PPM1L: variants seen among roughly 807,000 people sequenced by gnomAD.
The protein encoded by PPM1L is protein phosphatase 1L.
In PPM1L, 13 loss-of-function variants were observed where a neutral mutation model predicts 31.4. The ratio of observed to expected loss-of-function variants is 0.41; its 90% CI spans 0.27 to 0.66. The LOEUF (loss-of-function observed/expected upper bound fraction) is 0.66, where lower values mean the gene tolerates loss of function less well. Among genes scored for constraint, PPM1L ranks in the 30% least tolerant of loss-of-function variants. The pLI is 0.29. For synonymous variants in PPM1L, 184 were observed against 175.4 expected, an observed-to-expected ratio of 1.05 and a Z score of -0.39; for missense variants, 326 against 453.7, an observed-to-expected ratio of 0.72 and a Z score of 2.56.
intron 2 of PPM1L, among the ~76,000 whole-genome samples, chr3:160,995,774 G>A (rs1474125912): frequency 6.6e-6 from 1 of 152,226 alleles, no homozygotes; most frequent in Non-Finnish European, 1.5e-5. Context: ...GGAACAAGGA[G>A]AAAGGAAAGC....
intron 2 of PPM1L, among the ~76,000 whole-genome samples, chr3:161,024,084 G>A (rs563737804): frequency 1.2e-4 from 18 of 151,424 alleles, no homozygotes; most frequent in Non-Finnish European, 1.9e-4. Flanking sequence ...CGAGGCTAGC[G>A]TGGCCAACAT....
chr3:160,968,020 C>T (rs1296583722), intron 2 of PPM1L, among the ~76,000 whole-genome samples: 1 of 152,020 alleles, frequency 6.6e-6, no homozygotes, highest in Non-Finnish European at 1.5e-5. Context: ...TTTCTCCTTA[C>T]ACAGCCACAT....
chr3:160,785,137 C>A (rs1009111096), intron 1 of PPM1L, among the ~76,000 whole-genome samples: 1 of 152,142 alleles, frequency 6.6e-6, no homozygotes, highest in African/African-American at 2.4e-5. Flanking sequence ...TGTTTGCTTA[C>A]TCTGCTAGCC....
At chr3:160,850,934 C>G (rs930643777) in intron 1 of PPM1L, among the ~76,000 whole-genome samples, 1 of 150,436 alleles carries the variant, frequency 6.6e-6, no homozygotes, top group South Asian at 2.1e-4. Context: ...TTGGTCATTA[C>G]TGTTTTCCCA....
At chr3:161,009,517 A>G (rs1423555876) in intron 2 of PPM1L, among the ~76,000 whole-genome samples, 1 of 152,162 alleles carries the variant, frequency 6.6e-6, no homozygotes, top group Non-Finnish European at 1.5e-5. Flanking sequence ...GTCATACTAT[A>G]TTTGTTACCT....
intron 1 of PPM1L, among the ~76,000 whole-genome samples, chr3:160,859,618 G>T (rs190262249): frequency 3.2e-4 from 49 of 152,192 alleles, no homozygotes; most frequent in African/African-American, 1.1e-3. Context: ...TCCTACTAGG[G>T]CATATAAAGT....
At chr3:160,947,133 C>T (rs1168449797) in intron 1 of PPM1L, among the ~76,000 whole-genome samples, 1 of 152,160 alleles carries the variant, frequency 6.6e-6, no homozygotes, top group African/African-American at 2.4e-5. Context: ...TAACCTTGTT[C>T]TTAACTCAGA....
intron 1 of PPM1L, among the ~76,000 whole-genome samples, chr3:160,782,901 T>G (rs1275072908): frequency 6.6e-6 from 1 of 152,224 alleles, no homozygotes; most frequent in African/African-American, 2.4e-5. Context: ...TTTATTGAAT[T>G]GTGTTATTCT....
rs1292474059 is a variant in PPM1L, at chr3:161,068,811, G to T, written c.737G>T (p.Gly246Val). Reference sequence around the variant, plus strand: ...TAATGGGCTCATCCTGTCTTTCTAGGTGGTTTCATCAGTTTCAATGGCTCC... The same window carrying T: ...TAATGGGCTCATCCTGTCTTTCTAGTTGGTTTCATCAGTTTCAATGGCTCC... ...LKERKRIKRA[G>V]GFISFNGSWR... Residue 246 changes from glycine (G) to valine (V), a missense_variant and splice_region_variant, in exon 4 of 4, where the codon GGT (glycine) becomes GTT (valine). Gly to Val is a moderately radical substitution (Grantham distance 109). Transcript: ENST00000498165. The T allele has an allele frequency of 6.2e-7, 1 of 1,605,982 alleles. No individual in the cohort carries two copies. The highest frequency in any genetic ancestry group is 8.5e-7 in the Non-Finnish European group (1 of 1,176,162).
intron 1 of PPM1L, among the ~76,000 whole-genome samples, chr3:160,805,681 C>G (rs539527168): frequency 4.7e-4 from 72 of 152,228 alleles, no homozygotes; most frequent in Admixed American, 2.3e-3. Context: ...GAGATCATGC[C>G]GTTGCACTCC....
At chr3:160,835,850 C>G (rs950808806) in intron 1 of PPM1L, among the ~76,000 whole-genome samples, 13 of 152,086 alleles carry the variant, frequency 8.5e-5, no homozygotes, top group African/African-American at 3.1e-4. Flanking sequence ...AGAGACAAAT[C>G]TTTTCTCCCA....
At chr3:160,844,942 A>G (rs1294648217) in intron 1 of PPM1L, among the ~76,000 whole-genome samples, 1 of 152,046 alleles carries the variant, frequency 6.6e-6, no homozygotes, top group Admixed American at 6.6e-5. Context: ...GCAAACACTA[A>G]TCTACTTTCT....
chr3:161,070,443 T>G lies in PPM1L; in HGVS notation c.*1286T>G, dbSNP rs893020255. On this transcript the variant is annotated 3_prime_UTR_variant, in exon 4 of 4. Transcript: ENST00000498165. ...CTGCAGGGGAGGCAGCAAAGGGACC[T>G]GGCAGTTGCAACACAGTAAGTCAGG... The G allele has an allele frequency of 6.6e-6, 1 of 152,228 alleles. No homozygotes were observed. Among genetic ancestry groups the G allele is most frequent in the Admixed American group, 6.5e-5 (1 of 15,274 alleles). The allele number at this position is 152,228 out of a possible 1,614,324, so 9.4% of individuals were successfully genotyped here.
intron 2 of PPM1L, among the ~76,000 whole-genome samples, chr3:161,032,168 A>C (rs1718586975): frequency 6.6e-6 from 1 of 152,216 alleles, no homozygotes; most frequent in African/African-American, 2.4e-5. Flanking sequence ...AAGTGGAGCC[A>C]CTTTATTTTC....
chr3:160,911,782 A>G (rs1713980055), intron 1 of PPM1L, among the ~76,000 whole-genome samples: 1 of 152,198 alleles, frequency 6.6e-6, no homozygotes, highest in Non-Finnish European at 1.5e-5. Flanking sequence ...AGTGATGCAG[A>G]TAGAGGAATC....
intron 1 of PPM1L, among the ~76,000 whole-genome samples, chr3:160,769,709 A>G (rs755382219): frequency 8.6e-5 from 13 of 151,918 alleles, no homozygotes; most frequent in Non-Finnish European, 1.9e-4. Context: ...TTGGCTATCC[A>G]TTTTTACTTT....
intron 1 of PPM1L, among the ~76,000 whole-genome samples, chr3:160,953,365 T>TG (rs1473495782): frequency 1.3e-5 from 2 of 152,166 alleles, no homozygotes; most frequent in African/African-American, 4.8e-5. Flanking sequence ...GGAACAAAAA[T>TG]GAAAAACTCA....
At chr3:160,858,285 C>T (rs1436424175) in intron 1 of PPM1L, among the ~76,000 whole-genome samples, 1 of 152,026 alleles carries the variant, frequency 6.6e-6, no homozygotes, top group Admixed American at 6.6e-5. Context: ...CTCGCTCTGT[C>T]ATCCAGGCTG....
At chr3:160,963,061 C>T (rs1716017408) in intron 2 of PPM1L, among the ~76,000 whole-genome samples, 2 of 151,388 alleles carry the variant, frequency 1.3e-5, no homozygotes, top group African/African-American at 2.4e-5. Flanking sequence ...AATTCTTATT[C>T]ATCTCTTCTC....
Sources: gnomAD v4.1 joint callset for allele counts (sites outside exome capture counted in the v4.1 genomes callset) on GRCh38, gnomAD v4.1.1 for gene constraint, MANE v1.5 for transcripts, NCBI Gene and HGNC (gene_info 2026-07-23, HGNC 2026-07-21) for gene names.